Variants in CACNB2 observed in about 807,000 individuals in gnomAD.
CACNB2 encodes voltage-dependent L-type calcium channel subunit beta-2.
Under a neutral mutation model 73.3 loss-of-function variants are expected in CACNB2, and 42 were observed. That is an observed-to-expected ratio of 0.57 (90% CI 0.45 to 0.74). The LOEUF is 0.74. Among genes scored for constraint, CACNB2 ranks in the 30% least tolerant of loss-of-function variants. The probability of loss-of-function intolerance (pLI) is 0.00; values close to 1 mark genes in which losing one functional copy is unlikely to be tolerated. For missense variants in CACNB2, 940 were observed against 853.0 expected, an observed-to-expected ratio of 1.10 and a Z score of -1.27; for synonymous variants, 348 against 310.3, an observed-to-expected ratio of 1.12 and a Z score of -1.28.
chr10:18,187,296 G>C (rs1028576623), intron 2 of CACNB2, among the ~76,000 whole-genome samples: 1 of 152,162 alleles, frequency 6.6e-6, no homozygotes, highest in Non-Finnish European at 1.5e-5. Flanking sequence ...ATTGGAATTT[G>C]ATATTCTTCT....
intron 3 of CACNB2, among the ~76,000 whole-genome samples, chr10:18,418,397 T>C (rs920544606): frequency 2.0e-5 from 3 of 152,236 alleles, no homozygotes; most frequent in African/African-American, 4.8e-5. Flanking sequence ...GATTTCCTAC[T>C]AAAAATTATT....
chr10:18,498,726 C>G (rs1289937472), intron 4 of CACNB2: 4 of 481,628 alleles, frequency 8.3e-6, no homozygotes, highest in Non-Finnish European at 1.5e-5. Context: ...AAATTGGGAA[C>G]TGCTAGAGTA....
At chr10:18,351,550 A>G (rs1233220570) in intron 2 of CACNB2, among the ~76,000 whole-genome samples, 3 of 152,268 alleles carry the variant, frequency 2.0e-5, no homozygotes, top group East Asian at 3.9e-4. Flanking sequence ...TTGAAAACAC[A>G]TGTTATTCTA....
In CACNB2 at chr10:18,189,104, G is replaced by T. The variant is rs117976113; in HGVS notation, c.213+38129G>T. On this transcript the variant is annotated intron_variant, in intron 2 of 13. Coordinates refer to ENST00000324631, the MANE Select transcript of CACNB2 (RefSeq NM_201596.3). ...CGCCTCCCAAGTAGCTGGTACTACA[G>T]GTGTGTACTACTGTGTCCAACTACA... is the stretch of plus-strand genomic sequence containing the variant. Among the ~76,000 whole-genome samples the T allele has an allele frequency of 1.1e-3, 164 of 152,174 alleles. 3 individuals carry two copies. The East Asian group carries it at 0.024, about 23-fold the overall frequency.
rs1285760481 is a variant in CACNB2 at position 18,464,647 on chromosome 10, ACT to A, written c.334-33705_334-33704del. Among the ~76,000 whole-genome samples, 5 of 151,922 alleles carry A rather than the reference ACT, an allele frequency of 3.3e-5. No homozygotes were observed. The East Asian group carries it at 9.7e-4, about 29-fold the overall frequency. On this transcript the variant is annotated intron_variant, in intron 3 of 13. Transcript: ENST00000324631. Reference sequence around the variant, plus strand: ...AATAAGCCCTGTTGTTTCTATAATAACTCTAAAATACACCCAGCTTCACCACT... The same window carrying A: ...AATAAGCCCTGTTGTTTCTATAATAACTAAAATACACCCAGCTTCACCACT...
chr10:18,149,223 G>C (rs1250051697), intron 1 of CACNB2, among the ~76,000 whole-genome samples: 3 of 151,898 alleles, frequency 2.0e-5, no homozygotes, highest in Non-Finnish European at 4.4e-5. Context: ...CTTTATTTTA[G>C]CCTTCTTAGG....
chr10:18,420,967 C>T (rs2045286367), intron 3 of CACNB2, among the ~76,000 whole-genome samples: 1 of 152,198 alleles, frequency 6.6e-6, no homozygotes, highest in South Asian at 2.1e-4. Context: ...GTTTACCAAA[C>T]ATGAACCATT....
chr10:18,517,277 T>C (rs2051375361), intron 7 of CACNB2, among the ~76,000 whole-genome samples: 1 of 152,218 alleles, frequency 6.6e-6, no homozygotes, highest in South Asian at 2.1e-4. Context: ...GCCATATCAC[T>C]CTTATGCATT....
In CACNB2 at chr10:18,527,570, G is replaced by A; in HGVS notation, c.945-18G>A. The stretch of plus-strand genomic sequence containing the variant: ...GACCAATAACCTTAAGGTCTTCTGT[G>A]ACTTTTTCCTCCAACAGGATATCCA... On this transcript the variant is annotated intron_variant, in intron 9 of 13. Transcript: ENST00000324631. 6.4e-7 allele frequency: 1 copy of A among 1,574,106 alleles called. No individual in the cohort carries two copies. Among genetic ancestry groups the A allele is most frequent in the South Asian group, 1.1e-5 (1 of 90,312 alleles).
intron 2 of CACNB2, among the ~76,000 whole-genome samples, chr10:18,364,228 A>G (rs1403483421): frequency 6.9e-6 from 1 of 144,250 alleles, no homozygotes; most frequent in Non-Finnish European, 1.5e-5. Context: ...TGCTGGGATT[A>G]CAGGCATGAG....
chr10:18,166,505 C>T (rs1465611123), intron 2 of CACNB2, among the ~76,000 whole-genome samples: 4 of 152,180 alleles, frequency 2.6e-5, no homozygotes, highest in African/African-American at 7.2e-5. Context: ...GGATTACAGG[C>T]GTGAGCCACC....
chr10:18,189,116 T>C (rs984167110), intron 2 of CACNB2, among the ~76,000 whole-genome samples: 1 of 152,176 alleles, frequency 6.6e-6, no homozygotes, highest in Non-Finnish European at 1.5e-5. Flanking sequence ...TGTGTACTAC[T>C]GTGTCCAACT....
chr10:18,183,398 A>G (rs2033988355), intron 2 of CACNB2, among the ~76,000 whole-genome samples: 1 of 152,084 alleles, frequency 6.6e-6, no homozygotes, highest in Non-Finnish European at 1.5e-5. Flanking sequence ...TTGCCACTGT[A>G]TTAGTCCATC....
At chr10:18,419,024 G>C (rs1311013281) in intron 3 of CACNB2, among the ~76,000 whole-genome samples, 1 of 152,198 alleles carries the variant, frequency 6.6e-6, no homozygotes, top group Non-Finnish European at 1.5e-5. Flanking sequence ...TTACAGTTGA[G>C]GGTTAAGTTT....
At chr10:18,242,229 A>G (rs2036684515) in intron 2 of CACNB2, among the ~76,000 whole-genome samples, 1 of 152,056 alleles carries the variant, frequency 6.6e-6, no homozygotes, top group Non-Finnish European at 1.5e-5. Flanking sequence ...ATAAAAATAT[A>G]AAACAATAGT....
intron 3 of CACNB2, among the ~76,000 whole-genome samples, chr10:18,429,049 G>A (rs942925434): frequency 1.3e-5 from 2 of 152,130 alleles, no homozygotes; most frequent in South Asian, 2.1e-4. Context: ...GATTCCTTTT[G>A]ATATCACTGT....
chr10:18,314,245 C>A (rs897593114), intron 2 of CACNB2, among the ~76,000 whole-genome samples: 2 of 152,036 alleles, frequency 1.3e-5, no homozygotes, highest in Non-Finnish European at 2.9e-5. Flanking sequence ...AGTTGGGATT[C>A]GGGGAAAAGT....
At chr10:18,341,126 C>T (rs2041217889) in intron 2 of CACNB2, 2 of 829,442 alleles carry the variant, frequency 2.4e-6, no homozygotes, top group Non-Finnish European at 2.0e-6. Flanking sequence ...TTGCCATTCA[C>T]AGTGTTATTA....
Position 18,538,335 on chromosome 10 carries a change from T to G in CACNB2, c.1458T>G (p.Pro486=). ...LSRTLATSSL[P]LSPTLASNSQ... is the part of the protein sequence containing the mutation. The stretch of plus-strand genomic sequence containing the variant: ...GTACATTAGCCACTTCAAGTCTGCC[T>G]CTTAGCCCCACCCTAGCCTCTAATT... The change falls in exon 13 of 14, where the codon CCT becomes CCG. Residue 486 remains proline (P), a synonymous_variant. Transcript: ENST00000324631. The G allele has an allele frequency of 6.2e-7, 1 of 1,614,140 alleles. No individual in the cohort carries two copies. The highest frequency in any genetic ancestry group is 8.5e-7 in the Non-Finnish European group (1 of 1,179,990).
Sources: gnomAD v4.1 joint callset for allele counts (sites outside exome capture counted in the v4.1 genomes callset) on GRCh38, gnomAD v4.1.1 for gene constraint, MANE v1.5 for transcripts, NCBI Gene and HGNC (gene_info 2026-07-23, HGNC 2026-07-21) for gene names.